Variants in RYR2 observed in about 807,000 individuals in gnomAD.
RYR2 encodes the protein ryanodine receptor 2.
In RYR2, 227 loss-of-function variants were observed where a neutral mutation model predicts 601.1. That is an observed-to-expected ratio of 0.38 (90% confidence interval 0.34 to 0.42). The LOEUF (loss-of-function observed/expected upper bound fraction) is 0.42. RYR2 is among the 10% of genes least tolerant of loss of function. The pLI, the probability that RYR2 is intolerant of heterozygous loss-of-function variation, is 1.00. For missense variants in RYR2, 4,646 were observed against 6,156.5 expected (o/e 0.75, Z 8.21); for synonymous variants, 2,223 against 2,175.1 (o/e 1.02, Z -0.61).
At chr1:237,599,814 A>G (rs1417372128) in intron 34 of RYR2, among the ~76,000 whole-genome samples, 8 of 69,956 alleles carry the variant, frequency 1.1e-4, no homozygotes, top group Admixed American at 2.2e-4. Flanking sequence ...ATCTCAAAAA[A>G]AAAAAAAAAA....
intron 42 of RYR2, among the ~76,000 whole-genome samples, 167 bp downstream of exon 42, chr1:237,631,708 A>G (rs1680300737): frequency 7.4e-6 from 1 of 135,678 alleles, no homozygotes; most frequent in Non-Finnish European, 1.5e-5. Context: ...GCTCACTGCA[A>G]GCTCCGCCTC....
chr1:237,308,186 C>T (rs559056363), intron 2 of RYR2, among the ~76,000 whole-genome samples: 1 of 152,312 alleles, frequency 6.6e-6, no homozygotes, highest in Admixed American at 6.5e-5. Flanking sequence ...AGAACAATGG[C>T]ATTCCTAATT....
At chr1:237,531,830 G>A (rs2147950397) in intron 25 of RYR2, among the ~76,000 whole-genome samples, 2 of 152,198 alleles carry the variant, frequency 1.3e-5, no homozygotes, top group East Asian at 3.9e-4. Flanking sequence ...CATCAACTTT[G>A]AGTGTATCTT....
At chr1:237,325,319 A>G (rs558491080) in intron 2 of RYR2, among the ~76,000 whole-genome samples, 2 of 152,338 alleles carry the variant, frequency 1.3e-5, no homozygotes, top group South Asian at 2.1e-4. Context: ...GGAAAAAGCT[A>G]ATCTATATAT....
At chr1:237,366,705 CACACT>C in intron 5 of RYR2, among the ~76,000 whole-genome samples, 1 of 106,788 alleles carries the variant, frequency 9.4e-6, no homozygotes, top group South Asian at 2.4e-4. Flanking sequence ...CACACACACA[CACACT>C]GTATATATAT....
chr1:237,568,594 T>C (rs1672337704), intron 28 of RYR2, among the ~76,000 whole-genome samples: 1 of 152,370 alleles, frequency 6.6e-6, no homozygotes, highest in Middle Eastern at 3.4e-3. Flanking sequence ...GAAGCTTTTT[T>C]ACTTTTAGTA....
chr1:237,803,374 G>A (rs988074614), intron 98 of RYR2, among the ~76,000 whole-genome samples: 14 of 151,022 alleles, frequency 9.3e-5, no homozygotes, highest in Non-Finnish European at 1.9e-4. Flanking sequence ...CACACTCTCC[G>A]CTCACTGCAA....
At chr1:237,474,255 A>G (rs1661137267) in intron 17 of RYR2, among the ~76,000 whole-genome samples, 1 of 110,044 alleles carries the variant, frequency 9.1e-6, no homozygotes, top group Non-Finnish European at 2.2e-5. Context: ...ATATATACAT[A>G]TGTATAGATA....
intron 62 of RYR2, among the ~76,000 whole-genome samples, chr1:237,684,655 G>C (rs1277181931): frequency 6.6e-6 from 1 of 152,132 alleles, no homozygotes; most frequent in Admixed American, 6.5e-5. Context: ...ATTTATCGGA[G>C]TATAAGGTAC....
At chr1:237,089,195 CTG>C (rs1172134250) in intron 1 of RYR2, among the ~76,000 whole-genome samples, 2 of 152,218 alleles carry the variant, frequency 1.3e-5, no homozygotes, top group Admixed American at 6.5e-5. Flanking sequence ...GTGGGGGTAA[CTG>C]TATTACATAA....
chr1:237,788,189 T>G lies in RYR2; in HGVS notation c.13476+54T>G, dbSNP rs979485323. On this transcript the variant is annotated intron_variant, in intron 92 of 104. Coordinates refer to ENST00000366574, the MANE Select transcript of RYR2 (RefSeq NM_001035.3). ...CTGATATAGTGCAATACCGTAATAA[T>G]TTAGGCTCAGTAAATGTTTGCTGAC... is the stretch of plus-strand genomic sequence containing the variant. The G allele has an allele frequency of 2.8e-4, 399 of 1,419,712 alleles. 1 individual carries two copies. Among genetic ancestry groups the G allele is most frequent in the Non-Finnish European group, 3.5e-4 (367 of 1,040,084 alleles). 87.9% of individuals were successfully genotyped at this position (1,419,712 alleles called of 1,614,324 possible).
intron 101 of RYR2, among the ~76,000 whole-genome samples, chr1:237,822,042 ACGTT>A (rs1009755660): frequency 1.4e-4 from 22 of 152,116 alleles, no homozygotes; most frequent in African/African-American, 5.3e-4. Flanking sequence ...GACCAAATAT[ACGTT>A]TGATTGGTGT....
At chr1:237,514,659 G>A (rs1320377852) in intron 24 of RYR2, among the ~76,000 whole-genome samples, 1 of 152,108 alleles carries the variant, frequency 6.6e-6, no homozygotes, top group Admixed American at 6.5e-5. Flanking sequence ...AGGCCCCAGA[G>A]CAGCGTAGCT....
At chr1:237,481,598 TC>T (rs1662099948) in intron 17 of RYR2, among the ~76,000 whole-genome samples, 1 of 152,108 alleles carries the variant, frequency 6.6e-6, no homozygotes, top group Non-Finnish European at 1.5e-5. Flanking sequence ...TTTCTCATTT[TC>T]CCTCATGGTT....
chr1:237,640,518 C>G (rs1009585322), intron 46 of RYR2, among the ~76,000 whole-genome samples: 1 of 152,134 alleles, frequency 6.6e-6, no homozygotes, highest in Non-Finnish European at 1.5e-5. Flanking sequence ...TCTTTGTCAC[C>G]CTTTCTCTAC....
chr1:237,254,142 C>T (rs1687729871), intron 1 of RYR2, among the ~76,000 whole-genome samples: 1 of 152,116 alleles, frequency 6.6e-6, no homozygotes, highest in South Asian at 2.1e-4. Context: ...CATGTTTTTG[C>T]TGAAAACTCA....
intron 3 of RYR2, among the ~76,000 whole-genome samples, chr1:237,336,907 T>TTTTTATAAACCC (rs1190940507): frequency 1.3e-5 from 2 of 150,902 alleles, no homozygotes; most frequent in Non-Finnish European, 2.9e-5. Context: ...CTTGTGTCAT[T>TTTTTATAAACCC]CTTTTTATAA....
At chr1:237,731,736 G>A (rs1016091043) in intron 77 of RYR2, among the ~76,000 whole-genome samples, 4 of 151,832 alleles carry the variant, frequency 2.6e-5, no homozygotes, top group African/African-American at 9.7e-5. Context: ...TTTTACAATG[G>A]TAATGTAACA....
intron 11 of RYR2, among the ~76,000 whole-genome samples, chr1:237,418,193 C>A (rs1705205405): frequency 6.6e-6 from 1 of 152,088 alleles, no homozygotes; most frequent in Non-Finnish European, 1.5e-5. Flanking sequence ...CAGGCACCTG[C>A]CACCACGCCC....
Sources: allele counts gnomAD v4.1 joint callset (sites outside exome capture counted in the v4.1 genomes callset), GRCh38; gene constraint gnomAD v4.1.1; transcripts MANE v1.5; gene names NCBI Gene and HGNC (gene_info 2026-07-23, HGNC 2026-07-21).